The following TBC1D9 variants were observed in gnomAD, a reference collection of about 807,000 sequenced individuals.
TBC1D9 encodes the protein TBC1 domain family member 9.
In TBC1D9, 63 loss-of-function variants were observed where a neutral mutation model predicts 132.0. That is an observed-to-expected ratio of 0.48 (90% CI 0.39 to 0.59). The LOEUF is 0.59. Ranked by LOEUF, TBC1D9 falls within the 20% of genes least tolerant of loss-of-function variation. The pLI is 0.00. For missense variants in TBC1D9, 1,261 were observed against 1,592.7 expected (o/e 0.79, Z 3.54); for synonymous variants, 610 against 609.9 (o/e 1.00, Z 0.00).
intron 9 of TBC1D9, among the ~76,000 whole-genome samples, chr4:140,663,546 T>C (rs1353903147): frequency 1.3e-5 from 2 of 152,138 alleles, no homozygotes; most frequent in Admixed American, 6.5e-5. Flanking sequence ...TAAGCATATA[T>C]CCAAAAGAAG....
At chr4:140,662,249 A>G (rs1191324921) in intron 9 of TBC1D9, 142 bp from the exon 10 acceptor site, 1 of 761,254 alleles carries the variant, frequency 1.3e-6, no homozygotes, top group African/African-American at 1.7e-5. Flanking sequence ...CAGATGTGGT[A>G]TGTTGCAATC....
intron 13 of TBC1D9, chr4:140,643,894 G>A: frequency 2.8e-6 from 2 of 712,596 alleles, no homozygotes; most frequent in Non-Finnish European, 5.2e-6. Flanking sequence ...GGCAGTGGCA[G>A]CGGCAACTCC....
Position 140,668,910 on chromosome 4 carries a change from G to C in TBC1D9, c.1588+7C>G. On this transcript the variant is annotated splice_region_variant and intron_variant, in intron 9 of 20. Coordinates refer to ENST00000442267, the MANE Select transcript of TBC1D9 (RefSeq NM_015130.3). ...TGACGCCAGCATTCCCAGCCCAGCGGCCGTACCTGACAGCAGCAGCCAGAG... is the reference window on the plus strand; with the variant it reads ...TGACGCCAGCATTCCCAGCCCAGCGCCCGTACCTGACAGCAGCAGCCAGAG... 4 of 1,613,380 alleles carry C rather than the reference G, an allele frequency of 2.5e-6. No homozygotes were observed. The highest frequency in any genetic ancestry group is 3.4e-6 in the Non-Finnish European group (4 of 1,179,740).
chr4:140,713,636 G>C (rs1423063766), intron 1 of TBC1D9, among the ~76,000 whole-genome samples: 1 of 151,960 alleles, frequency 6.6e-6, no homozygotes. Context: ...CTACTTGGGA[G>C]ACTGAGGCAG....
chr4:140,755,779 C>A, intron 1 of TBC1D9, 137 bp downstream of exon 1: 1 of 1,308,764 alleles, frequency 7.6e-7, no homozygotes, highest in Non-Finnish European at 9.8e-7. Context: ...ACTCTCGATG[C>A]CTCGCATACA....
chr4:140,755,595 G>T (rs906517178), intron 1 of TBC1D9, among the ~76,000 whole-genome samples: 1 of 152,092 alleles, frequency 6.6e-6, no homozygotes, highest in African/African-American at 2.4e-5. Context: ...TTAAGGGGGG[G>T]AGGGGAAGGG....
Position 140,756,369 on chromosome 4 carries a change from A to G in TBC1D9, c.-324T>C, listed in dbSNP as rs1739017372. 1.3e-5 allele frequency among the ~76,000 whole-genome samples: 2 copies of G among 151,748 alleles called. No individual in the cohort carries two copies. The highest frequency in any genetic ancestry group is 4.2e-4 in the South Asian group (2 of 4,808). Reference sequence around the variant, plus strand: ...CCGGCTCCCGGCCCACGGCGGCGGGAGGAGCGGGAGGAGGAGGAAGAGGAG... The same window carrying G: ...CCGGCTCCCGGCCCACGGCGGCGGGGGGAGCGGGAGGAGGAGGAAGAGGAG... On this transcript the variant is annotated 5_prime_UTR_variant, in exon 1 of 21. Transcript: ENST00000442267. The surrounding 1 kb of genome is among the most constrained non-coding windows in gnomAD (Gnocchi z 5.6).
intron 13 of TBC1D9, chr4:140,644,833 T>G: frequency 2.4e-6 from 1 of 420,604 alleles, no homozygotes; most frequent in Non-Finnish European, 4.7e-6. Flanking sequence ...AGGCAGGTGA[T>G]CTCTGGGAAT....
In TBC1D9 at chr4:140,621,611, G is replaced by T. The variant is rs1578809864; in HGVS notation, c.*584C>A. 1 of 152,172 alleles carries T rather than the reference G, an allele frequency of 6.6e-6. No individual in the cohort carries two copies. Among genetic ancestry groups the T allele is most frequent in the Non-Finnish European group, 1.5e-5 (1 of 68,014 alleles). 9.4% of individuals were successfully genotyped at this position (152,172 alleles called of 1,614,324 possible). On this transcript the variant is annotated 3_prime_UTR_variant, in exon 21 of 21. Transcript: ENST00000442267. ...TTCATAACTGTTTAGAACCCCAAAT[G>T]TTTTCCCTTTGAAGGGGAACATCTG...
intron 13 of TBC1D9, among the ~76,000 whole-genome samples, chr4:140,652,746 C>T (rs1408134619): frequency 6.6e-6 from 1 of 152,248 alleles, no homozygotes; most frequent in African/African-American, 2.4e-5. Context: ...CCACACATGG[C>T]AGGCTCTCGA....
chr4:140,697,731 G>A (rs530668102), intron 2 of TBC1D9, among the ~76,000 whole-genome samples: 2 of 152,296 alleles, frequency 1.3e-5, no homozygotes, highest in African/African-American at 4.8e-5. Flanking sequence ...GCAATACCAT[G>A]GCAAAGCCCC....
intron 16 of TBC1D9, among the ~76,000 whole-genome samples, chr4:140,633,708 G>A (rs1425927342): frequency 1.3e-5 from 2 of 152,036 alleles, no homozygotes; most frequent in Admixed American, 1.3e-4. Context: ...TGTGGTTTCA[G>A]TGTTTATGTT....
chr4:140,644,940 T>G, intron 13 of TBC1D9: 1 of 453,366 alleles, frequency 2.2e-6, no homozygotes. Context: ...CATGCCCTAG[T>G]GCAGAGATGG....
intron 13 of TBC1D9, among the ~76,000 whole-genome samples, chr4:140,650,782 G>A (rs1335047585): frequency 2.0e-5 from 3 of 152,072 alleles, no homozygotes; most frequent in East Asian, 3.9e-4. Flanking sequence ...TGATCCACCC[G>A]CCTTGGCCTC....
At chr4:140,754,781 CT>C (rs1271079603) in intron 1 of TBC1D9, among the ~76,000 whole-genome samples, 1 of 152,048 alleles carries the variant, frequency 6.6e-6, no homozygotes, top group African/African-American at 2.4e-5. Context: ...GTCTGGAGCT[CT>C]GCAGATTTAT....
At chr4:140,731,968 G>A (rs1455756112) in intron 1 of TBC1D9, among the ~76,000 whole-genome samples, 1 of 152,158 alleles carries the variant, frequency 6.6e-6, no homozygotes, top group Non-Finnish European at 1.5e-5. Context: ...GGGTGGTGCT[G>A]AAATCTAGCC....
chr4:140,687,363 T>C lies in TBC1D9; in HGVS notation c.242-901A>G, dbSNP rs1560885875. On this transcript the variant is annotated intron_variant, in intron 2 of 20. Coordinates refer to ENST00000442267, the MANE Select transcript of TBC1D9 (RefSeq NM_015130.3). Reference sequence around the variant, plus strand: ...TGTGTCATATATATATATATATATATATATATATATATATATATATATATA... The same window carrying C: ...TGTGTCATATATATATATATATATACATATATATATATATATATATATATA... 3.0e-3 allele frequency among the ~76,000 whole-genome samples: 210 copies of C among 69,470 alleles called. 14 individuals carry two copies. Among genetic ancestry groups the C allele is most frequent in the African/African-American group, 0.01 (199 of 19,218 alleles). 45.6% of individuals were successfully genotyped at this position (69,470 alleles called of 152,430 possible). A position where few individuals can be genotyped will look rare whatever the true frequency, so the allele number is the denominator to read the frequency against.
At chr4:140,640,464 G>C (rs1219840014) in intron 13 of TBC1D9, among the ~76,000 whole-genome samples, 2 of 148,512 alleles carry the variant, frequency 1.3e-5, no homozygotes, top group Non-Finnish European at 3.0e-5. Context: ...GGGAGTAGGT[G>C]GGGGTGATTT....
chr4:140,646,151 T>C (rs1234131966), intron 13 of TBC1D9, among the ~76,000 whole-genome samples: 2 of 152,208 alleles, frequency 1.3e-5, no homozygotes, highest in Non-Finnish European at 2.9e-5. Context: ...GGGGTCCTCA[T>C]GATCATTCCA....
Sources: gnomAD v4.1 joint callset for allele counts (sites outside exome capture counted in the v4.1 genomes callset) on GRCh38, gnomAD v4.1.1 for gene constraint, Gnocchi (gnomAD v3.1) non-coding constraint, MANE v1.5 for transcripts, NCBI Gene and HGNC (gene_info 2026-07-23, HGNC 2026-07-21) for gene names.